Variants in DHRSX observed in about 807,000 individuals in gnomAD.
The protein encoded by DHRSX is polyprenol dehydrogenase.
DHRSX carries 31 observed loss-of-function variants against 34.0 expected under a neutral mutation model. That is an observed-to-expected ratio of 0.91 (90% confidence interval 0.69 to 1.23). DHRSX has a LOEUF of 1.23. DHRSX is among the 50% of genes most tolerant of loss of function. The pLI is 0.00. For synonymous variants in DHRSX, 201 were observed against 183.8 expected (o/e 1.09, Z -0.76); for missense variants, 414 against 428.1 (o/e 0.97, Z 0.29).
chrX:2,267,045 G>A (rs1408950633), intron 4 of DHRSX, 98 bp from the exon 5 acceptor site: 27 of 1,247,958 alleles, frequency 2.2e-5, no homozygotes, highest in South Asian at 5.0e-5. Context: ...CCAGGACATC[G>A]GAGGGTGGGG....
intron 3 of DHRSX, among the ~76,000 whole-genome samples, chrX:2,294,794 GGAGA>G (rs201823017): frequency 1.4e-3 from 181 of 129,514 alleles, no homozygotes; most frequent in Middle Eastern, 4.0e-3. Context: ...AAAAAGAGAG[GGAGA>G]GAGAGAGAGG....
intron 5 of DHRSX, among the ~76,000 whole-genome samples, chrX:2,250,017 G>T (rs1332566172): frequency 1.3e-5 from 2 of 151,834 alleles, no homozygotes; most frequent in Non-Finnish European, 2.9e-5. Flanking sequence ...CAAAAAGTTA[G>T]CCAGGAGTGG....
chrX:2,286,554 C>T (rs1394512175), intron 4 of DHRSX, among the ~76,000 whole-genome samples: 1 of 152,124 alleles, frequency 6.6e-6, no homozygotes, highest in Non-Finnish European at 1.5e-5. Flanking sequence ...TCCAAGAGAA[C>T]CAAGAGGATT....
intron 3 of DHRSX, among the ~76,000 whole-genome samples, chrX:2,402,795 C>G (rs1445770590): frequency 6.6e-6 from 1 of 151,884 alleles, no homozygotes; most frequent in Non-Finnish European, 1.5e-5. Context: ...GTGTAATACT[C>G]ACATCAGGGC....
chrX:2,246,655 A>G (rs1162403846), intron 5 of DHRSX, among the ~76,000 whole-genome samples: 1 of 128,364 alleles, frequency 7.8e-6, no homozygotes, highest in Non-Finnish European at 1.8e-5. Flanking sequence ...AAAGAGAGAA[A>G]GAAAGAAAAG....
chrX:2,390,273 G>T (rs1015963102), intron 3 of DHRSX, among the ~76,000 whole-genome samples: 1 of 150,390 alleles, frequency 6.6e-6, no homozygotes, highest in African/African-American at 2.5e-5. Flanking sequence ...CTCCCAAATA[G>T]CTGGGATTAT....
chrX:2,316,786 A>C (rs1322550153), intron 3 of DHRSX, among the ~76,000 whole-genome samples: 1 of 152,166 alleles, frequency 6.6e-6, no homozygotes, highest in Non-Finnish European at 1.5e-5. Context: ...ATCTGATGGC[A>C]AAAATTCAAA....
chrX:2,224,247 G>C (rs1050956645), intron 6 of DHRSX, among the ~76,000 whole-genome samples: 1 of 36,164 alleles, frequency 2.8e-5, no homozygotes, highest in African/African-American at 3.2e-4. Flanking sequence ...TTCTGCAGCT[G>C]CAGCTTAGGC....
intron 3 of DHRSX, among the ~76,000 whole-genome samples, chrX:2,310,685 G>A (rs1480662068): frequency 6.6e-6 from 1 of 151,824 alleles, no homozygotes; most frequent in Non-Finnish European, 1.5e-5. Flanking sequence ...GAGAGACAGA[G>A]GGAGGAAAGA....
intron 5 of DHRSX, among the ~76,000 whole-genome samples, chrX:2,250,866 G>A (rs2016419659): frequency 6.6e-6 from 1 of 152,102 alleles, no homozygotes; most frequent in Non-Finnish European, 1.5e-5. Context: ...TTAGGGGATT[G>A]TTTTCTGAGC....
intron 3 of DHRSX, among the ~76,000 whole-genome samples, chrX:2,368,503 CAACA>C (rs1459761006): frequency 2.6e-5 from 4 of 151,900 alleles, no homozygotes; most frequent in African/African-American, 4.8e-5. Flanking sequence ...AATTGCTAAA[CAACA>C]AAAAACATAA....
intron 3 of DHRSX, among the ~76,000 whole-genome samples, chrX:2,337,530 A>C (rs1441270247): frequency 6.6e-6 from 1 of 152,018 alleles, no homozygotes; most frequent in Non-Finnish European, 1.5e-5. Flanking sequence ...CAAGGATGCG[A>C]ATTTATTTCC....
chrX:2,450,642 A>T (rs956730429), intron 1 of DHRSX, among the ~76,000 whole-genome samples: 35 of 152,060 alleles, frequency 2.3e-4, no homozygotes, highest in African/African-American at 8.2e-4. Flanking sequence ...TATAAGCCCA[A>T]GTCCCACGTA....
At chrX:2,401,905 G>A (rs1407494310) in intron 3 of DHRSX, among the ~76,000 whole-genome samples, 6 of 152,318 alleles carry the variant, frequency 3.9e-5, no homozygotes, top group Non-Finnish European at 7.3e-5. Context: ...AAACAATCGC[G>A]CATTTATAAT....
In DHRSX at chrX:2,249,356, C is replaced by CT. The variant is rs765751396; in HGVS notation, c.597-6127dup. 4.5e-3 allele frequency among the ~76,000 whole-genome samples: 603 copies of CT among 133,356 alleles called. 3 individuals carry two copies. Among genetic ancestry groups the CT allele is most frequent in the East Asian group, 0.021 (98 of 4,738 alleles). 87.5% of individuals were successfully genotyped at this position (133,356 alleles called of 152,430 possible). ...TACAGGCACCTGCCACCATGCCCGG[C>CT]TTTTTTTTTTTTTTTGTATTTTTAG... is the stretch of plus-strand genomic sequence containing the variant. On this transcript the variant is annotated intron_variant, in intron 5 of 6. Coordinates refer to ENST00000334651, the MANE Select transcript of DHRSX (RefSeq NM_145177.3).
chrX:2,499,826 C>T (rs2045370525), intron 1 of DHRSX, among the ~76,000 whole-genome samples: 1 of 152,168 alleles, frequency 6.6e-6, no homozygotes, highest in African/African-American at 2.4e-5. Flanking sequence ...AGGAAGATCG[C>T]TTGAGCCCAG....
chrX:2,360,012 C>T (rs1257164077), intron 3 of DHRSX, among the ~76,000 whole-genome samples: 2 of 152,140 alleles, frequency 1.3e-5, no homozygotes, highest in Middle Eastern at 3.4e-3. Context: ...CAACAAACCC[C>T]CATGACACGA....
rs770907594 is a variant in DHRSX at position 2,239,863 on chromosome X, A to C, written c.804+3160T>G. 6.6e-5 allele frequency among the ~76,000 whole-genome samples: 10 copies of C among 152,360 alleles called. No homozygotes were observed. The East Asian group carries it at 1.9e-3, about 29-fold the overall frequency. On this transcript the variant is annotated intron_variant, in intron 6 of 6. Transcript: ENST00000334651. ...CTGAGGGATTCATGGGGGTTTTATA[A>C]GGATGAAATGTATCCTAGTGTTGGT...
In DHRSX at chrX:2,275,793, A is replaced by G. The variant is rs1271885476; in HGVS notation, c.389-8846T>C. On this transcript the variant is annotated intron_variant, in intron 4 of 6. Coordinates refer to ENST00000334651, the MANE Select transcript of DHRSX (RefSeq NM_145177.3). ...GACAGAGCAAGGCTCTGTCTCAAAA[A>G]AGGAAATAAATAAATAAAATAAAAT... Among the ~76,000 whole-genome samples, 7 of 151,126 alleles carry G rather than the reference A, an allele frequency of 4.6e-5. No homozygotes were observed. In the South Asian group the frequency reaches 6.3e-4, roughly 14 times the overall value.
Sources: allele counts gnomAD v4.1 joint callset (sites outside exome capture counted in the v4.1 genomes callset), GRCh38; gene constraint gnomAD v4.1.1; transcripts MANE v1.5; gene names NCBI Gene and HGNC (gene_info 2026-07-23, HGNC 2026-07-21).